The following AGBL1 variants were observed in gnomAD, a reference collection of about 807,000 sequenced individuals.
AGBL1 encodes AGBL carboxypeptidase 1, also known as cytosolic carboxypeptidase 4.
In AGBL1, 130 loss-of-function variants were observed where a neutral mutation model predicts 118.9. That is an observed-to-expected ratio of 1.09 (90% CI 0.95 to 1.26). The LOEUF (loss-of-function observed/expected upper bound fraction) is 1.26. AGBL1 is among the 50% of genes most tolerant of loss of function. The pLI is 0.00. For missense variants in AGBL1, 1,584 were observed against 1,298.1 expected, an observed-to-expected ratio of 1.22 and a Z score of -3.38; for synonymous variants, 555 against 478.9, an observed-to-expected ratio of 1.16 and a Z score of -2.08.
intron 17 of AGBL1, among the ~76,000 whole-genome samples, chr15:86,324,611 C>G (rs1157126495): frequency 1.3e-5 from 2 of 152,170 alleles, no homozygotes; most frequent in Non-Finnish European, 2.9e-5. Context: ...GGTTTTTTGA[C>G]ACTTTCACAC....
intron 16 of AGBL1, among the ~76,000 whole-genome samples, chr15:86,289,291 C>G (rs1157443866): frequency 1.3e-5 from 2 of 152,194 alleles, no homozygotes; most frequent in African/African-American, 2.4e-5. Flanking sequence ...CCGCTGTTGT[C>G]TCTTTTTCTT....
intron 17 of AGBL1, among the ~76,000 whole-genome samples, chr15:86,303,683 A>G (rs1290389511): frequency 1.3e-5 from 2 of 152,164 alleles, no homozygotes; most frequent in Non-Finnish European, 2.9e-5. Flanking sequence ...CTCAATCAGC[A>G]AGGATATCAG....
chr15:86,488,965 T>C (rs1195414944), intron 18 of AGBL1, among the ~76,000 whole-genome samples: 2 of 152,060 alleles, frequency 1.3e-5, no homozygotes, highest in African/African-American at 2.4e-5. Context: ...AAGACTATCA[T>C]TTTATTGTGG....
chr15:86,703,582 A>C (rs1049454745), intron 22 of AGBL1, among the ~76,000 whole-genome samples: 1 of 152,128 alleles, frequency 6.6e-6, no homozygotes, highest in African/African-American at 2.4e-5. Context: ...TCCCTACCCA[A>C]ATGTCACCTT....
At chr15:86,791,491 GCCT>G (rs1289436751) in intron 22 of AGBL1, among the ~76,000 whole-genome samples, 1 of 152,012 alleles carries the variant, frequency 6.6e-6, no homozygotes, top group Admixed American at 6.6e-5. Context: ...GGCCACAATG[GCCT>G]CAGTCTTTTT....
At position 86,510,859 on chromosome 15, in the gene AGBL1, C is replaced by T. The variant is rs1411911381; in HGVS notation, c.2556-11951C>T. Among the ~76,000 whole-genome samples the T allele has an allele frequency of 2.0e-5, 3 of 152,088 alleles. No homozygotes were observed. In the East Asian group the frequency reaches 5.8e-4, roughly 29 times the overall value. ...AGCAGTAGAATGGGGAGTTGACTTT[C>T]ATTTATTCCTCAGATAAAGGTGAAT... On this transcript the variant is annotated intron_variant, in intron 18 of 22. Transcript: ENST00000614907.
At chr15:86,270,957 G>A (rs1567169767) in intron 14 of AGBL1, among the ~76,000 whole-genome samples, 1 of 151,130 alleles carries the variant, frequency 6.6e-6, no homozygotes, top group East Asian at 1.9e-4. Context: ...AGCATTCTCT[G>A]CATTCCTTGG....
intron 6 of AGBL1, among the ~76,000 whole-genome samples, chr15:86,232,168 G>A (rs1237199857): frequency 1.3e-5 from 2 of 152,200 alleles, no homozygotes; most frequent in Non-Finnish European, 2.9e-5. Flanking sequence ...CTGCCAAAAT[G>A]TTATGTCTTT....
At chr15:86,743,513 G>A (rs2077710239) in intron 22 of AGBL1, among the ~76,000 whole-genome samples, 1 of 152,130 alleles carries the variant, frequency 6.6e-6, no homozygotes, top group South Asian at 2.1e-4. Flanking sequence ...GATGAAGGTT[G>A]TGGCCATAGT....
intron 22 of AGBL1, among the ~76,000 whole-genome samples, chr15:86,886,071 A>T (rs1475873322): frequency 5.3e-5 from 8 of 152,238 alleles, no homozygotes; most frequent in African/African-American, 1.9e-4. Flanking sequence ...AGCCTCTTAA[A>T]CATCCACCCC....
At chr15:86,922,190 G>A (rs1261376875) in intron 23 of AGBL1, among the ~76,000 whole-genome samples, 1 of 152,160 alleles carries the variant, frequency 6.6e-6, no homozygotes, top group Non-Finnish European at 1.5e-5. Context: ...GTATTTTGCA[G>A]TGCCTTAATA....
At chr15:86,957,856 A>G (rs1372878557) in intron 23 of AGBL1, among the ~76,000 whole-genome samples, 2 of 152,070 alleles carry the variant, frequency 1.3e-5, no homozygotes, top group African/African-American at 4.8e-5. Context: ...TTAACTCTAA[A>G]ATTCGTATGG....
intron 1 of AGBL1, among the ~76,000 whole-genome samples, chr15:86,130,737 A>G (rs1166375622): frequency 6.6e-6 from 1 of 152,196 alleles, no homozygotes; most frequent in Non-Finnish European, 1.5e-5. Flanking sequence ...TTGATCTCCT[A>G]TTGAGATTGG....
At chr15:86,152,217 C>G (rs768040887) in intron 3 of AGBL1, among the ~76,000 whole-genome samples, 6 of 152,146 alleles carry the variant, frequency 3.9e-5, no homozygotes, top group Admixed American at 1.3e-4. Context: ...CCAAGACAAT[C>G]CTAAGCAAAA....
intron 22 of AGBL1, among the ~76,000 whole-genome samples, chr15:86,831,024 A>G (rs2079097413): frequency 1.3e-5 from 2 of 152,200 alleles, no homozygotes; most frequent in Admixed American, 6.5e-5. Context: ...AAGGAAGAGC[A>G]AAGTCATGTC....
At chr15:86,287,491 A>G (rs914469088) in intron 16 of AGBL1, among the ~76,000 whole-genome samples, 2 of 152,078 alleles carry the variant, frequency 1.3e-5, no homozygotes, top group Non-Finnish European at 2.9e-5. Context: ...TTCAGGTTTT[A>G]TGCTTAGGTC....
chr15:86,493,055 A>G (rs534474383), intron 18 of AGBL1, among the ~76,000 whole-genome samples: 8 of 152,152 alleles, frequency 5.3e-5, no homozygotes, highest in East Asian at 2.0e-4. Context: ...TTAGCTGGGC[A>G]TGGTGGTGCA....
intron 17 of AGBL1, among the ~76,000 whole-genome samples, chr15:86,367,514 C>A (rs1202372528): frequency 6.6e-6 from 1 of 151,752 alleles, no homozygotes; most frequent in African/African-American, 2.4e-5. Context: ...ATATAATATG[C>A]AAGTTTCCTG....
At chr15:86,079,800 C>T, upstream of AGBL1, 4 of 407,480 alleles carry the variant, frequency 9.8e-6, no homozygotes, top group East Asian at 3.6e-5. Flanking sequence ...GTATTCACGC[C>T]TGTGCCGAGG....
Sources: gnomAD v4.1 joint callset for allele counts (sites outside exome capture counted in the v4.1 genomes callset) on GRCh38, gnomAD v4.1.1 for gene constraint, MANE v1.5 for transcripts, NCBI Gene and HGNC (gene_info 2026-07-23, HGNC 2026-07-21) for gene names.